The following PIEZO1 variants were observed in gnomAD, a reference collection of about 807,000 sequenced individuals.
The protein encoded by PIEZO1 is piezo-type mechanosensitive ion channel component 1.
A neutral mutation model predicts 297.2 loss-of-function variants in PIEZO1; 296 were observed. The observed-to-expected ratio is 1.00, with a 90% CI of 0.91 to 1.10. The LOEUF is 1.10. Among genes scored for constraint, PIEZO1 ranks in the 50% least tolerant of loss-of-function variants. The pLI is 0.00. For synonymous variants in PIEZO1, 2,427 were observed against 1,507.5 expected (o/e 1.61, Z -14.13); for missense variants, 5,018 against 3,455.5 (o/e 1.45, Z -11.34).
rs929273324 is a variant in PIEZO1 at position 88,732,486 on chromosome 16, C to T, written c.2840G>A (p.Arg947Gln). 1.9e-5 allele frequency: 30 copies of T among 1,548,998 alleles called. No homozygotes were observed. Among genetic ancestry groups the T allele is most frequent in the African/African-American group, 4.1e-5 (3 of 72,996 alleles). Residue 947 changes from arginine (R) to glutamine (Q), a missense_variant, in exon 21 of 51, where the codon CGG becomes CAG. By Grantham distance (43) the Arg-to-Gln change is conservative (BLOSUM62 1). Coordinates refer to ENST00000301015, the MANE Select transcript of PIEZO1 (RefSeq NM_001142864.4). Reference protein sequence around the residue: ...LLLVFEAIVYRRQEHYRRQHQ... With the variant: ...LLLVFEAIVYQRQEHYRRQHQ... ...CTGCCGGCGGTAGTGCTCCTGGCGC[C>T]GGTACACGATGGCCTCGAATACCAG... is the stretch of plus-strand genomic sequence containing the variant.
chr16:88,719,883 A>G lies in PIEZO1; in HGVS notation c.6242T>C (p.Ile2081Thr). ...CIYFALSAYQIRCGYPTRILG... is the reference protein window; with the variant it reads ...CIYFALSAYQTRCGYPTRILG... ...GATGCGGGTGGGGTAGCCGCAGCGG[A>G]TCTGGTAGGCGGACAGGGCGAAGTA... The change falls in exon 43 of 51, where the codon ATC becomes ACC. Residue 2081 changes from isoleucine (I) to threonine (T), a missense_variant. By Grantham distance (89) the Ile-to-Thr change is moderately conservative. Transcript: ENST00000301015. 1 of 1,550,542 alleles carries G rather than the reference A, an allele frequency of 6.4e-7. No individual in the cohort carries two copies. The highest frequency in any genetic ancestry group is 8.7e-7 in the Non-Finnish European group (1 of 1,146,942).
chr16:88,748,677 A>G (rs1311787722), intron 2 of PIEZO1, among the ~76,000 whole-genome samples: 2 of 152,202 alleles, frequency 1.3e-5, no homozygotes, highest in African/African-American at 4.8e-5. Context: ...CAAGGGACAC[A>G]GAGACTCCAC....
rs1912025603 is a variant in PIEZO1, at chr16:88,716,310, CCAGCCAACCTGGCA to C, written c.7049+37_7050-34del. 3 of 1,495,628 alleles carry C rather than the reference CCAGCCAACCTGGCA, an allele frequency of 2.0e-6. No individual in the cohort carries two copies. The South Asian group carries it at 4.0e-5, about 20-fold the overall frequency. 92.6% of individuals were successfully genotyped at this position (1,495,628 alleles called of 1,614,324 possible). ...GAGGTGCTGGCAGGTCAGGCCTGGC[CCAGCCAACCTGGCA>C]CAGCCCTCCTGCCCACCACCCGGGC... On this transcript the variant is annotated intron_variant, in intron 48 of 50. Transcript: ENST00000301015.
intron 44 of PIEZO1, chr16:88,717,448 C>T (rs981041532): frequency 8.3e-5 from 52 of 626,646 alleles, no homozygotes; most frequent in South Asian, 3.8e-4. Flanking sequence ...TCAGTGGGAA[C>T]GGACAACCTT....
intron 1 of PIEZO1, among the ~76,000 whole-genome samples, chr16:88,769,859 G>C (rs560379326): frequency 6.6e-6 from 1 of 152,202 alleles, no homozygotes; most frequent in African/African-American, 2.4e-5. Flanking sequence ...CTGCTCCTGC[G>C]CAGGTTAGAG....
At chr16:88,726,987 C>G in intron 24 of PIEZO1, 29 bp from the exon 25 acceptor site, 1 of 1,549,142 alleles carries the variant, frequency 6.5e-7, no homozygotes, top group East Asian at 2.4e-5. Context: ...AGGGCGGGCG[C>G]CCCGGCCACC....
At chr16:88,742,903 G>T (rs553157261) in intron 2 of PIEZO1, 68 of 372,164 alleles carry the variant, frequency 1.8e-4, no homozygotes, top group African/African-American at 1.4e-3. Flanking sequence ...CTGGAGAAAA[G>T]TGGGGCAGGC....
Position 88,715,732 on chromosome 16 carries a change from A to T in PIEZO1, c.7439T>A (p.Leu2480His), listed in dbSNP as rs1257016164. Reference sequence around the variant, plus strand: ...CCGCACCAGGAAGATGTCCTGGCAGAGCTTGAGGATGCGGTCCACGCACGG... The same window carrying T: ...CCGCACCAGGAAGATGTCCTGGCAGTGCTTGAGGATGCGGTCCACGCACGG... ...ELPCVDRILK[L>H]CQDIFLVRET... Residue 2480 changes from leucine (L) to histidine (H), a missense_variant, in exon 51 of 51, where the codon CTC becomes CAC. Transcript: ENST00000301015. The T allele has an allele frequency of 2.6e-6, 4 of 1,550,472 alleles. No homozygotes were observed. The Admixed American group carries it at 5.9e-5, about 23-fold the overall frequency.
rs1255135243 is a variant in PIEZO1 at position 88,733,909 on chromosome 16, C to T, written c.2326G>A (p.Glu776Lys). 16 of 1,498,714 alleles carry T rather than the reference C, an allele frequency of 1.1e-5. No homozygotes were observed. Among genetic ancestry groups the T allele is most frequent in the Non-Finnish European group, 1.4e-5 (16 of 1,117,216 alleles). The allele number at this position is 1,498,714 out of a possible 1,614,324, so 92.8% of individuals were successfully genotyped here. The stretch of plus-strand genomic sequence containing the variant: ...GTGCTCTGCCCGCCCAACCCACCTT[C>T]AGGCACCTGCGTGGCCTGGTGGGGA... ...ATPHQATQVPEGAAKWGLVAE... is the reference protein window; with the variant it reads ...ATPHQATQVPKGAAKWGLVAE... The change falls in exon 17 of 51, where the codon GAA becomes AAA. Residue 776 changes from glutamate (E) to lysine (K), a missense_variant. Transcript: ENST00000301015.
intron 19 of PIEZO1, chr16:88,733,049 C>T (rs575926488): frequency 1.7e-6 from 1 of 589,206 alleles, no homozygotes; most frequent in African/African-American, 1.9e-5. Context: ...GCCGGAGACC[C>T]TGGGACTCCG....
intron 1 of PIEZO1, among the ~76,000 whole-genome samples, chr16:88,764,475 G>A (rs867325694): frequency 2.0e-5 from 3 of 152,014 alleles, no homozygotes; most frequent in African/African-American, 4.8e-5. Flanking sequence ...CTGCCAGGCC[G>A]GGCGCGGTGG....
intron 3 of PIEZO1, 86 bp downstream of exon 3, chr16:88,742,213 AC>A (rs1186258139): frequency 1.7e-5 from 25 of 1,494,438 alleles, no homozygotes; most frequent in Middle Eastern, 1.7e-4. Context: ...GGCTGAGTCA[AC>A]CCCCCCAGGA....
rs765825619 is a variant in PIEZO1, at chr16:88,735,230, G to A, written c.1574C>T (p.Thr525Ile). The A allele has an allele frequency of 3.0e-5, 47 of 1,550,104 alleles. No individual in the cohort carries two copies. The highest frequency in any genetic ancestry group is 9.8e-5 in the Admixed American group (5 of 50,984). ...AAACTGGCGCAGCAGGAGCCAGAAGGTCAGGGTGTAGAGCAACTGTGACAA... is the reference window on the plus strand; with the variant it reads ...AAACTGGCGCAGCAGGAGCCAGAAGATCAGGGTGTAGAGCAACTGTGACAA... The part of the protein sequence containing the change: ...DLGAMLLYTL[T>I]FWLLLRQFVK... The change falls in exon 13 of 51, where the codon ACC (threonine) becomes ATC (isoleucine). Residue 525 changes from threonine to isoleucine, a missense_variant. Physicochemically the swap from Thr to Ile is moderately conservative, Grantham distance 89. Coordinates refer to ENST00000301015, the MANE Select transcript of PIEZO1 (RefSeq NM_001142864.4).
At chr16:88,767,404 C>T (rs750504443) in intron 1 of PIEZO1, among the ~76,000 whole-genome samples, 145 of 152,200 alleles carry the variant, frequency 9.5e-4, no homozygotes, top group Middle Eastern at 6.8e-3. Context: ...CAGCCCTGAT[C>T]CCCCAGAGAC....
intron 10 of PIEZO1, 89 bp downstream of exon 10, chr16:88,737,470 G>T: frequency 1.1e-6 from 1 of 878,526 alleles, no homozygotes; most frequent in Non-Finnish European, 1.7e-6. Context: ...GCGCGAGCAT[G>T]CGAGAGCGCC....
intron 1 of PIEZO1, among the ~76,000 whole-genome samples, chr16:88,781,920 G>A (rs1907955469): frequency 6.6e-6 from 1 of 152,256 alleles, no homozygotes; most frequent in African/African-American, 2.4e-5. Flanking sequence ...CCGGCCGTGG[G>A]TGTGCCCCTA....
chr16:88,721,960 C>G lies in PIEZO1; in HGVS notation c.5062G>C (p.Glu1688Gln), dbSNP rs1427197532. ...AVYQCVAAHSELLCYFIIILN... is the reference protein window; with the variant it reads ...AVYQCVAAHSQLLCYFIIILN... ...ATGATGATGAAGTAGCAGAGCAGCT[C>G]CGAGTGGGCGGCCACACACTGGTAC... is the stretch of plus-strand genomic sequence containing the variant. The change falls in exon 37 of 51, where the codon GAG becomes CAG. Residue 1688 changes from glutamate to glutamine, a missense_variant. By Grantham distance (29) the Glu-to-Gln change is conservative (BLOSUM62 2). Transcript: ENST00000301015. 1.9e-6 allele frequency: 3 copies of G among 1,550,112 alleles called. No homozygotes were observed. Among genetic ancestry groups the G allele is most frequent in the Non-Finnish European group, 8.7e-7 (1 of 1,146,818 alleles).
chr16:88,767,162 C>T (rs1189947675), intron 1 of PIEZO1, among the ~76,000 whole-genome samples: 1 of 152,208 alleles, frequency 6.6e-6, no homozygotes, highest in African/African-American at 2.4e-5. Flanking sequence ...CTCATCTCCC[C>T]ATTCCTCCCC....
chr16:88,730,257 G>C (rs535272993), intron 22 of PIEZO1, among the ~76,000 whole-genome samples: 2 of 152,224 alleles, frequency 1.3e-5, no homozygotes, highest in South Asian at 4.1e-4. Flanking sequence ...ACAAGGCTGG[G>C]CCTGGGTAGC....
Sources: allele counts gnomAD v4.1 joint callset (sites outside exome capture counted in the v4.1 genomes callset), GRCh38; gene constraint gnomAD v4.1.1; transcripts MANE v1.5; gene names NCBI Gene and HGNC (gene_info 2026-07-23, HGNC 2026-07-21).